The following SLC22A15 variants were observed in gnomAD, a reference collection of about 807,000 sequenced individuals.
SLC22A15 encodes the protein flipt 1.
Under a neutral mutation model 62.7 loss-of-function variants are expected in SLC22A15, and 45 were observed. That is an observed-to-expected ratio of 0.72 (90% confidence interval 0.56 to 0.92). The LOEUF (loss-of-function observed/expected upper bound fraction) is 0.92, where lower values mean the gene tolerates loss of function less well. Among genes scored for constraint, SLC22A15 ranks in the 40% least tolerant of loss-of-function variants. The pLI, the probability that SLC22A15 is intolerant of heterozygous loss-of-function variation, is 0.00. For missense variants in SLC22A15, 622 were observed against 665.6 expected (o/e 0.93, Z 0.72); for synonymous variants, 264 against 267.0 (o/e 0.99, Z 0.11).
Position 115,991,835 on chromosome 1 carries a change from A to G in SLC22A15, c.88-196A>G, listed in dbSNP as rs746305908. Among the ~76,000 whole-genome samples, 51 of 152,350 alleles carry G rather than the reference A, an allele frequency of 3.3e-4. 1 individual carries two copies. Among genetic ancestry groups the G allele is most frequent in the East Asian group, 9.6e-4 (5 of 5,190 alleles). ...AAAGTGTTTTACAAGTGGGATTGCC[A>G]ATGATTCTGTTCGTGGTAGATCACA... On this transcript the variant is annotated intron_variant, in intron 1 of 11. Coordinates refer to ENST00000369503, the MANE Select transcript of SLC22A15 (RefSeq NM_018420.3).
chr1:116,010,599 T>A (rs1286188897), intron 2 of SLC22A15, among the ~76,000 whole-genome samples: 1 of 152,200 alleles, frequency 6.6e-6, no homozygotes, highest in African/African-American at 2.4e-5. Context: ...TCTGATTACC[T>A]GATTTTCTCC....
chr1:116,065,674 C>T (rs12082202), intron 10 of SLC22A15, among the ~76,000 whole-genome samples: 3,071 of 152,136 alleles, frequency 0.02, 103 homozygotes, highest in African/African-American at 0.07. Context: ...TTTCCACCTC[C>T]TTCTCCATCA....
chr1:116,054,049 TAAC>T (rs1399960445), intron 8 of SLC22A15, among the ~76,000 whole-genome samples: 1 of 151,570 alleles, frequency 6.6e-6, no homozygotes, highest in Non-Finnish European at 1.5e-5. Flanking sequence ...AATTTACACA[TAAC>T]AATATTAACT....
At chr1:116,051,679 A>G (rs1379952699) in intron 8 of SLC22A15, among the ~76,000 whole-genome samples, 4 of 152,236 alleles carry the variant, frequency 2.6e-5, no homozygotes, top group African/African-American at 9.7e-5. Context: ...CAAGAACTCA[A>G]AAACAAATGC....
chr1:116,025,431 A>G (rs997077777), intron 4 of SLC22A15, among the ~76,000 whole-genome samples: 1 of 152,212 alleles, frequency 6.6e-6, no homozygotes, highest in Non-Finnish European at 1.5e-5. Flanking sequence ...ATGCTGTCAC[A>G]TCAGCTTTCC....
chr1:116,031,553 G>A lies in SLC22A15; in HGVS notation c.916G>A (p.Gly306Arg), dbSNP rs748082367. The A allele has an allele frequency of 6.2e-7, 1 of 1,613,932 alleles. No homozygotes were observed. The highest frequency in any genetic ancestry group is 1.1e-5 in the South Asian group (1 of 91,066). The change falls in exon 6 of 12, where the codon GGA becomes AGA. Residue 306 changes from glycine to arginine, a missense_variant. Gly to Arg is a moderately radical substitution (Grantham distance 125, BLOSUM62 -2). Coordinates refer to ENST00000369503, the MANE Select transcript of SLC22A15 (RefSeq NM_018420.3). ...LDLFRYRVLL[G>R]HTLILMFIWF... The stretch of plus-strand genomic sequence containing the variant: ...TCTCTTTCGTTACCGGGTCCTGTTA[G>A]GACACACTTTGATCCTGATGTTCAT...
rs765083480 is a variant in SLC22A15, at chr1:116,020,851, T to C, written c.564T>C (p.Asn188=). Residue 188 remains asparagine, a synonymous_variant, in exon 4 of 12, where the codon AAT becomes AAC. Transcript: ENST00000369503. The part of the protein sequence containing the change: ...GMSLVAFVLL[N]ECVGTAYWAL... ...CGCTGGTGGCCTTTGTCTTGCTTAA[T>C]GAATGTGTGGGCACCGCCTACTGGG... is the stretch of plus-strand genomic sequence containing the variant. 10 of 1,613,410 alleles carry C rather than the reference T, an allele frequency of 6.2e-6. No homozygotes were observed. In the South Asian group the frequency reaches 1.1e-4, roughly 18 times the overall value.
chr1:116,022,636 C>G (rs191995675), intron 4 of SLC22A15, among the ~76,000 whole-genome samples: 39 of 152,350 alleles, frequency 2.6e-4, no homozygotes, highest in African/African-American at 9.1e-4. Context: ...CAACCCTGGT[C>G]TCTTGCTCTC....
intron 4 of SLC22A15, among the ~76,000 whole-genome samples, chr1:116,024,634 A>G (rs1366653018): frequency 6.6e-6 from 1 of 152,128 alleles, no homozygotes; most frequent in Non-Finnish European, 1.5e-5. Flanking sequence ...TATATAAGGG[A>G]AAATCATTTG....
chr1:116,000,079 T>C (rs1335781869), intron 2 of SLC22A15, among the ~76,000 whole-genome samples: 1 of 152,200 alleles, frequency 6.6e-6, no homozygotes, highest in Non-Finnish European at 1.5e-5. Context: ...TATCTTTCGA[T>C]TGGAGTTTAG....
chr1:116,059,791 T>A (rs1658331448), intron 8 of SLC22A15, among the ~76,000 whole-genome samples: 1 of 152,154 alleles, frequency 6.6e-6, no homozygotes. Flanking sequence ...TTTTTTGCCA[T>A]TTTGGGTCAG....
In SLC22A15 at chr1:116,010,612, A is replaced by C. The variant is rs183679446; in HGVS notation, c.301-8970A>C. On this transcript the variant is annotated intron_variant, in intron 2 of 11. Coordinates refer to ENST00000369503, the MANE Select transcript of SLC22A15 (RefSeq NM_018420.3). ...CCTCTGATTACCTGATTTTCTCCTGAAGTTAGATTTTCATGTACAAAGTTG... is the reference window on the plus strand; with the variant it reads ...CCTCTGATTACCTGATTTTCTCCTGCAGTTAGATTTTCATGTACAAAGTTG... 1.5e-3 allele frequency among the ~76,000 whole-genome samples: 222 copies of C among 152,290 alleles called. 3 individuals carry two copies. Among genetic ancestry groups the C allele is most frequent in the African/African-American group, 5.1e-3 (210 of 41,560 alleles).
chr1:115,985,344 A>G (rs1654804351), intron 1 of SLC22A15, among the ~76,000 whole-genome samples: 1 of 152,140 alleles, frequency 6.6e-6, no homozygotes, highest in South Asian at 2.1e-4. Flanking sequence ...GCCTAGGTGT[A>G]TGGGAGGTTA....
In SLC22A15 at chr1:116,019,593, T is replaced by C. The variant is rs777846431; in HGVS notation, c.312T>C (p.Ile104=). ...FTSIASEWFL[I]ANRSYKVSAA... ...TTATCTTCCTCTAGTGGTTTTTAAT[T>C]GCCAACAGATCCTACAAAGTCAGTG... Residue 104 remains isoleucine, a synonymous_variant, in exon 3 of 12, where the codon ATT becomes ATC. Transcript: ENST00000369503. 1.2e-6 allele frequency: 2 copies of C among 1,601,678 alleles called. No individual in the cohort carries two copies. Among genetic ancestry groups the C allele is most frequent in the African/African-American group, 2.7e-5 (2 of 73,950 alleles).
At chr1:115,981,802 A>T (rs1654623840) in intron 1 of SLC22A15, among the ~76,000 whole-genome samples, 1 of 152,164 alleles carries the variant, frequency 6.6e-6, no homozygotes, top group Non-Finnish European at 1.5e-5. Flanking sequence ...TGGCTGTTTG[A>T]CTTGTGCCTT....
At chr1:116,009,776 G>A (rs914717099) in intron 2 of SLC22A15, among the ~76,000 whole-genome samples, 1 of 152,124 alleles carries the variant, frequency 6.6e-6, no homozygotes, top group Non-Finnish European at 1.5e-5. Flanking sequence ...ATAATCTGTG[G>A]TATATAGGTA....
At chr1:115,989,137 G>T (rs1450726677) in intron 1 of SLC22A15, among the ~76,000 whole-genome samples, 1 of 151,930 alleles carries the variant, frequency 6.6e-6, no homozygotes, top group Non-Finnish European at 1.5e-5. Flanking sequence ...GTGTTTGTGT[G>T]GGTGTGTGTG....
Position 116,066,653 on chromosome 1 carries a change from C to G in SLC22A15, c.1499C>G (p.Ser500Trp). 1 of 1,612,702 alleles carries G rather than the reference C, an allele frequency of 6.2e-7. No individual in the cohort carries two copies. Among genetic ancestry groups the G allele is most frequent in the South Asian group, 1.1e-5 (1 of 90,738 alleles). Reference protein sequence around the residue: ...LETFSDLQVYSYRRLGEEALS... With the variant: ...LETFSDLQVYWYRRLGEEALS... ...ACATTCTCCGACCTTCAGGTGTATT[C>G]GTATCGCAGGCTGGGAGAAGAAGCA... Residue 500 changes from serine to tryptophan, a missense_variant, in exon 11 of 12, where the codon TCG becomes TGG. Physicochemically the swap from Ser to Trp is radical, Grantham distance 177. Transcript: ENST00000369503.
At chr1:116,045,738 C>CAAAAAAA (rs34360597) in intron 8 of SLC22A15, among the ~76,000 whole-genome samples, 1 of 101,682 alleles carries the variant, frequency 9.8e-6, no homozygotes. Flanking sequence ...GACTCCATCT[C>CAAAAAAA]AAAAAAAAAA....
Sources: gnomAD v4.1 joint callset for allele counts (sites outside exome capture counted in the v4.1 genomes callset) on GRCh38, gnomAD v4.1.1 for gene constraint, MANE v1.5 for transcripts, NCBI Gene and HGNC (gene_info 2026-07-23, HGNC 2026-07-21) for gene names.